NLGN1: variants seen among roughly 807,000 people sequenced by gnomAD.
NLGN1 encodes the protein neuroligin-1.
NLGN1 carries 12 observed loss-of-function variants against 65.5 expected under a neutral mutation model. That is an observed-to-expected ratio of 0.18 (90% confidence interval 0.12 to 0.30). The LOEUF (loss-of-function observed/expected upper bound fraction) is 0.30, where lower values mean the gene tolerates loss of function less well. Among genes scored for constraint, NLGN1 ranks in the 10% least tolerant of loss-of-function variants. The pLI is 1.00. For synonymous variants in NLGN1, 350 were observed against 359.5 expected, an observed-to-expected ratio of 0.97 and a Z score of 0.30; for missense variants, 750 against 1,007.1, an observed-to-expected ratio of 0.74 and a Z score of 3.46.
At chr3:173,843,880 C>CTGT (rs1454434472) in intron 4 of NLGN1, among the ~76,000 whole-genome samples, 9 of 152,164 alleles carry the variant, frequency 5.9e-5, no homozygotes, top group African/African-American at 1.9e-4. Context: ...CCCCACTCTA[C>CTGT]AAGTATCACA....
chr3:173,794,025 T>A (rs541213298), intron 3 of NLGN1, among the ~76,000 whole-genome samples: 6 of 152,204 alleles, frequency 3.9e-5, no homozygotes, highest in East Asian at 1.9e-4. Context: ...CCAGCCACAC[T>A]GACCTCCAGG....
intron 4 of NLGN1, among the ~76,000 whole-genome samples, chr3:174,033,923 T>C (rs1410418345): frequency 6.6e-6 from 1 of 152,112 alleles, no homozygotes; most frequent in Non-Finnish European, 1.5e-5. Flanking sequence ...ACAAAATTAG[T>C]GACAGACAGC....
chr3:174,182,361 C>G (rs1730605188), intron 4 of NLGN1, among the ~76,000 whole-genome samples: 1 of 152,070 alleles, frequency 6.6e-6, no homozygotes, highest in Non-Finnish European at 1.5e-5. Context: ...TGCTGCCCAC[C>G]TACAATATGT....
chr3:173,829,916 A>G (rs1345677097), intron 4 of NLGN1, among the ~76,000 whole-genome samples: 1 of 151,360 alleles, frequency 6.6e-6, no homozygotes, highest in African/African-American at 2.4e-5. Flanking sequence ...TACCTACAGT[A>G]AATAGCTAAT....
chr3:174,176,054 G>A (rs554719818), intron 4 of NLGN1, among the ~76,000 whole-genome samples: 2 of 151,960 alleles, frequency 1.3e-5, no homozygotes, highest in African/African-American at 4.8e-5. Flanking sequence ...GAGGACTTTT[G>A]TACTTAATAT....
chr3:173,862,774 G>C (rs1432999864), intron 4 of NLGN1, among the ~76,000 whole-genome samples: 1 of 151,906 alleles, frequency 6.6e-6, no homozygotes, highest in Non-Finnish European at 1.5e-5. Context: ...AAAAACCATT[G>C]ATATCCTAGA....
intron 4 of NLGN1, among the ~76,000 whole-genome samples, chr3:174,213,641 C>T (rs1224993460): frequency 6.6e-6 from 1 of 152,088 alleles, no homozygotes; most frequent in Non-Finnish European, 1.5e-5. Flanking sequence ...TTCTTTTAGA[C>T]AATTTTTTAA....
exon 3 of NLGN1, chr3:173,604,740 T>C (rs1269658815): frequency 6.2e-6 from 10 of 1,613,640 alleles, no homozygotes; most frequent in African/African-American, 2.7e-5. Context: ...ATCACAAAAA[T>C]TGGATGATGT....
At chr3:173,512,686 C>A (rs916420697) in intron 2 of NLGN1, among the ~76,000 whole-genome samples, 2 of 152,142 alleles carry the variant, frequency 1.3e-5, no homozygotes, top group Non-Finnish European at 2.9e-5. Context: ...CTTTGGGCTG[C>A]GAGTTTCAGG....
At chr3:174,059,262 A>G (rs1736861576) in intron 4 of NLGN1, among the ~76,000 whole-genome samples, 1 of 152,112 alleles carries the variant, frequency 6.6e-6, no homozygotes, top group African/African-American at 2.4e-5. Context: ...TGAACAGATT[A>G]CTTTGTCTTC....
chr3:173,979,526 A>C (rs569627394), intron 4 of NLGN1, among the ~76,000 whole-genome samples: 2 of 152,164 alleles, frequency 1.3e-5, no homozygotes, highest in East Asian at 3.9e-4. Flanking sequence ...ATAAGAAGGG[A>C]AAATGGGTAA....
chr3:173,510,779 G>C (rs1037509830), intron 2 of NLGN1, among the ~76,000 whole-genome samples: 2 of 152,176 alleles, frequency 1.3e-5, no homozygotes, highest in African/African-American at 4.8e-5. Context: ...AGAGAGCACA[G>C]AGAGTTTTTC....
intron 4 of NLGN1, among the ~76,000 whole-genome samples, chr3:174,175,073 T>A (rs760679049): frequency 1.3e-5 from 2 of 151,994 alleles, no homozygotes; most frequent in Non-Finnish European, 2.9e-5. Context: ...TAACACATAG[T>A]CTATCTTTGG....
chr3:174,288,507 T>C (rs1265455071), downstream of NLGN1, among the ~76,000 whole-genome samples: 2 of 151,490 alleles, frequency 1.3e-5, no homozygotes, highest in Non-Finnish European at 3.0e-5. Context: ...TTTTTTTTCT[T>C]TTTATAGCCA....
At chr3:173,650,606 A>G (rs558990465) in intron 3 of NLGN1, among the ~76,000 whole-genome samples, 1 of 152,240 alleles carries the variant, frequency 6.6e-6, no homozygotes, top group African/African-American at 2.4e-5. Flanking sequence ...TATATGGTTT[A>G]CTTTTTTATT....
In NLGN1 at chr3:174,279,242, C is replaced by T; in HGVS notation, c.1241C>T (p.Ala414Val). The stretch of plus-strand genomic sequence containing the variant: ...ATATCAGCTAGTGATTTTGACTTTG[C>T]TGTTTCAAATTTTGTTGATAATTTA... The change falls in exon 6 of 7, where the codon GCT (alanine) becomes GTT (valine). Residue 414 changes from alanine (A) to valine (V), a missense_variant. By Grantham distance (64) the Ala-to-Val change is moderately conservative. Transcript: ENST00000457714. The surrounding 1 kb of genome is among the most constrained non-coding windows in gnomAD (Gnocchi z 4.7). 6.2e-7 allele frequency: 1 copy of T among 1,613,256 alleles called. No homozygotes were observed. Among genetic ancestry groups the T allele is most frequent in the African/African-American group, 1.3e-5 (1 of 74,940 alleles).
At chr3:173,487,089 T>G (rs962244405) in intron 2 of NLGN1, among the ~76,000 whole-genome samples, 3 of 151,894 alleles carry the variant, frequency 2.0e-5, no homozygotes, top group African/African-American at 7.2e-5. Flanking sequence ...TCTTAGCATC[T>G]TAAGTTTCAA....
At chr3:173,562,948 G>C (rs984625256) in intron 2 of NLGN1, among the ~76,000 whole-genome samples, 1 of 151,790 alleles carries the variant, frequency 6.6e-6, no homozygotes, top group Non-Finnish European at 1.5e-5. Context: ...CATGTCCAAG[G>C]CTGAACTATT....
intron 4 of NLGN1, among the ~76,000 whole-genome samples, chr3:174,089,176 A>G (rs1744034614): frequency 6.6e-6 from 1 of 152,212 alleles, no homozygotes; most frequent in Non-Finnish European, 1.5e-5. Flanking sequence ...TTAAATGCAT[A>G]CAGTTCTAGG....
Sources: gnomAD v4.1 joint callset for allele counts (sites outside exome capture counted in the v4.1 genomes callset) on GRCh38, gnomAD v4.1.1 for gene constraint, Gnocchi (gnomAD v3.1) non-coding constraint, MANE v1.5 for transcripts, NCBI Gene and HGNC (gene_info 2026-07-23, HGNC 2026-07-21) for gene names.